The following MED15 variants were observed in gnomAD, a reference collection of about 807,000 sequenced individuals.
The protein encoded by MED15 is mediator of RNA polymerase II transcription subunit 15.
MED15 carries 41 observed loss-of-function variants against 118.7 expected under a neutral mutation model. The observed-to-expected ratio is 0.35, with a 90% CI of 0.27 to 0.45. The LOEUF (loss-of-function observed/expected upper bound fraction) is 0.45, where lower values mean the gene tolerates loss of function less well. Among genes scored for constraint, MED15 ranks in the 20% least tolerant of loss-of-function variants. MED15 has a pLI of 1.00. For missense variants in MED15, 740 were observed against 1,025.5 expected, an observed-to-expected ratio of 0.72 and a Z score of 3.80; for synonymous variants, 436 against 413.9, an observed-to-expected ratio of 1.05 and a Z score of -0.65.
intron 11 of MED15, 54 bp from the exon 12 acceptor site, chr22:20,583,059 A>G (rs2146676693): frequency 1.3e-6 from 2 of 1,560,250 alleles, no homozygotes; most frequent in Non-Finnish European, 8.7e-7. Context: ...CTCAGAGCTC[A>G]AGTTCCCCAC....
chr22:20,530,531 G>A (rs1209455571), intron 1 of MED15, among the ~76,000 whole-genome samples: 1 of 151,978 alleles, frequency 6.6e-6, no homozygotes, highest in Non-Finnish European at 1.5e-5. Context: ...CCCTCATTCA[G>A]CAATGGGAAA....
chr22:20,539,435 A>G (rs2055205148), intron 2 of MED15, among the ~76,000 whole-genome samples: 1 of 152,218 alleles, frequency 6.6e-6, no homozygotes, highest in African/African-American at 2.4e-5. Context: ...TTATTGTCAA[A>G]TATTCCATTT....
intron 5 of MED15, among the ~76,000 whole-genome samples, chr22:20,556,197 G>C (rs1480591185): frequency 1.3e-5 from 2 of 152,044 alleles, no homozygotes; most frequent in Admixed American, 6.6e-5. Context: ...CCTTTACCCA[G>C]CTCTCCCCAA....
intron 4 of MED15, among the ~76,000 whole-genome samples, 189 bp downstream of exon 4, chr22:20,553,363 CTG>C (rs71725860): frequency 0.019 from 2,954 of 152,268 alleles, 104 homozygotes; most frequent in African/African-American, 0.068. Context: ...TTCCTGCAGA[CTG>C]TGAAGTCGCA....
intron 1 of MED15, among the ~76,000 whole-genome samples, chr22:20,531,261 G>T (rs1032405691): frequency 2.0e-5 from 3 of 152,224 alleles, no homozygotes; most frequent in Non-Finnish European, 4.4e-5. Context: ...CCTGTTGCCA[G>T]TTTCTCAATT....
intron 1 of MED15, among the ~76,000 whole-genome samples, chr22:20,532,710 G>T (rs1419568935): frequency 6.6e-6 from 1 of 152,182 alleles, no homozygotes; most frequent in Non-Finnish European, 1.5e-5. Context: ...GCAGCCTTGG[G>T]TTCTTTGGTG....
At chr22:20,538,655 C>T (rs190410489) in intron 2 of MED15, among the ~76,000 whole-genome samples, 73 of 152,166 alleles carry the variant, frequency 4.8e-4, no homozygotes, top group South Asian at 1.7e-3. Flanking sequence ...TTTGCCTATT[C>T]GGAATTTTCC....
At chr22:20,515,638 A>C (rs1601440223) in intron 1 of MED15, among the ~76,000 whole-genome samples, 4 of 151,848 alleles carry the variant, frequency 2.6e-5, no homozygotes, top group African/African-American at 9.7e-5. Flanking sequence ...AAAAATACAA[A>C]AATTAGCTGG....
chr22:20,540,562 A>G (rs946514901), intron 2 of MED15, among the ~76,000 whole-genome samples: 3 of 152,162 alleles, frequency 2.0e-5, no homozygotes, highest in African/African-American at 4.8e-5. Flanking sequence ...TGACAGAGTG[A>G]GACTCTGTCT....
At chr22:20,533,807 C>T (rs2054946406) in intron 1 of MED15, among the ~76,000 whole-genome samples, 1 of 152,196 alleles carries the variant, frequency 6.6e-6, no homozygotes, top group Admixed American at 6.5e-5. Flanking sequence ...TCTGCCAGTA[C>T]ATCCCCTGGT....
chr22:20,583,879 T>G, intron 13 of MED15: 1 of 233,162 alleles, frequency 4.3e-6, no homozygotes, highest in Non-Finnish European at 8.6e-6. Context: ...GCTGTGAGGA[T>G]CAGAGCTCGG....
chr22:20,543,364 A>C (rs1261291333), intron 2 of MED15, among the ~76,000 whole-genome samples: 2 of 150,540 alleles, frequency 1.3e-5, no homozygotes, highest in East Asian at 3.9e-4. Flanking sequence ...GGTGCCCACC[A>C]CCACACCCAG....
Position 20,572,812 on chromosome 22 carries a change from C to T in MED15, c.1153-2301C>T, listed in dbSNP as rs112587966. The stretch of plus-strand genomic sequence containing the variant: ...GAGTGGTGCGTGTCTGCAGTCCCTG[C>T]TACTCGGGAGGCCGAGTTGGGAGGA... On this transcript the variant is annotated intron_variant, in intron 8 of 17. Transcript: ENST00000263205. Among the ~76,000 whole-genome samples, 1,115 of 152,292 alleles carry T rather than the reference C, an allele frequency of 7.3e-3. 18 individuals carry two copies. The highest frequency in any genetic ancestry group is 0.024 in the African/African-American group (1,016 of 41,566).
chr22:20,560,998 C>T (rs181341381), intron 5 of MED15, among the ~76,000 whole-genome samples: 4 of 152,134 alleles, frequency 2.6e-5, no homozygotes, highest in African/African-American at 9.6e-5. Context: ...ACATATAAAA[C>T]CTACTTTAAA....
At chr22:20,532,835 C>T (rs1215752768) in intron 1 of MED15, among the ~76,000 whole-genome samples, 1 of 152,186 alleles carries the variant, frequency 6.6e-6, no homozygotes, top group Non-Finnish European at 1.5e-5. Context: ...GCTCTTTGTC[C>T]TCCTCTGGCT....
chr22:20,515,434 TACACTA>T (rs2146345945), intron 1 of MED15, among the ~76,000 whole-genome samples: 1 of 151,028 alleles, frequency 6.6e-6, no homozygotes, highest in East Asian at 2.0e-4. Flanking sequence ...ACACATAAGA[TACACTA>T]ACACTAATGA....
At position 20,585,745 on chromosome 22, in the gene MED15, A is replaced by G. The variant is rs1490759264; in HGVS notation, c.2149A>G (p.Ser717Gly). The part of the protein sequence containing the change: ...ICKLDDKDLP[S>G]VPPLELSVPA... ...TGTTGCAGATGACAAGGACCTCCCA[A>G]GTGTGCCACCACTGGAGCTCAGTGT... Residue 717 changes from serine to glycine, a missense_variant, in exon 17 of 18, where the codon AGT becomes GGT. Ser to Gly is a moderately conservative substitution (Grantham distance 56). Around this residue, in one of 7 missense-constraint regions of MED15, gnomAD observed 179 missense variants for 259.0 expected, o/e 0.69. Transcript: ENST00000263205. The G allele has an allele frequency of 2.5e-6, 4 of 1,613,208 alleles. No homozygotes were observed. The Admixed American group carries it at 6.7e-5, about 27-fold the overall frequency.
rs2057150743 is a variant in MED15 at position 20,586,858 on chromosome 22, C to T, written c.*154C>T. The T allele has an allele frequency of 8.4e-7, 1 of 1,187,888 alleles. No individual in the cohort carries two copies. Among genetic ancestry groups the T allele is most frequent in the Non-Finnish European group, 1.2e-6 (1 of 864,628 alleles). The allele number at this position is 1,187,888 out of a possible 1,614,324, so 73.6% of individuals were successfully genotyped here. ...CTTGGGGACCTGCCAAACGAAATCCCACACCTGTACAGAACTGGGATAGGC... is the reference window on the plus strand; with the variant it reads ...CTTGGGGACCTGCCAAACGAAATCCTACACCTGTACAGAACTGGGATAGGC... On this transcript the variant is annotated 3_prime_UTR_variant, in exon 18 of 18. Transcript: ENST00000263205.
intron 14 of MED15, 166 bp from the exon 15 acceptor site, chr22:20,584,689 G>A: frequency 1.0e-6 from 1 of 959,682 alleles, no homozygotes; most frequent in Admixed American, 2.3e-5. Context: ...CTGTGGGGGT[G>A]GGGGATTATT....
Sources: gnomAD v4.1 joint callset for allele counts (sites outside exome capture counted in the v4.1 genomes callset) on GRCh38, gnomAD v4.1.1 for gene constraint, gnomAD v4.1.1 regional missense constraint, MANE v1.5 for transcripts, NCBI Gene and HGNC (gene_info 2026-07-23, HGNC 2026-07-21) for gene names.